The following RPSA2 variants were observed in gnomAD, a reference collection of about 807,000 sequenced individuals.
The protein encoded by RPSA2 is small ribosomal subunit protein uS2B.
the RPSA2 span, chr19:23,832,977 T>G: frequency 5.6e-5 from 83 of 1,469,032 alleles, 5 homozygotes; most frequent in Non-Finnish European, 7.3e-6. Context: ...CCTACAAGTG[T>G]GAAGAATGTG....
chr19:23,849,697 G>T, the RPSA2 span, among the ~76,000 whole-genome samples: 4 of 152,076 alleles, frequency 2.6e-5, no homozygotes, highest in Admixed American at 6.6e-5. Flanking sequence ...AAAATAAGTA[G>T]CCTCCAGGCA....
the RPSA2 span, among the ~76,000 whole-genome samples, chr19:23,826,586 C>G: frequency 6.6e-6 from 1 of 152,036 alleles, no homozygotes; most frequent in Non-Finnish European, 1.5e-5. Flanking sequence ...AAATCTGTGT[C>G]TTTTTGTGAT....
chr19:23,786,931 A>G, the RPSA2 span, among the ~76,000 whole-genome samples: 14 of 151,856 alleles, frequency 9.2e-5, no homozygotes, highest in Admixed American at 4.6e-4. Context: ...CCCTGCCTAC[A>G]TGGAAAGCTG....
chr19:23,809,067 C>G, the RPSA2 span: 1 of 162,926 alleles, frequency 6.1e-6, no homozygotes, highest in African/African-American at 2.4e-5. Context: ...TCATGACATA[C>G]AAAAAGAGTG....
the RPSA2 span, among the ~76,000 whole-genome samples, chr19:23,822,512 C>T: frequency 1.9e-4 from 29 of 152,106 alleles, no homozygotes; most frequent in Admixed American, 1.3e-4. Context: ...TATGATGTTT[C>T]CAGTTTAGGA....
the RPSA2 span, among the ~76,000 whole-genome samples, chr19:23,858,611 C>T: frequency 6.6e-6 from 1 of 152,102 alleles, no homozygotes; most frequent in Non-Finnish European, 1.5e-5. Context: ...AAAGAGCAGC[C>T]TGTAAAATCG....
At chr19:23,851,974 A>G in the RPSA2 span, among the ~76,000 whole-genome samples, 3 of 152,158 alleles carry the variant, frequency 2.0e-5, no homozygotes, top group Admixed American at 6.5e-5. Context: ...AATTTGAACT[A>G]TTCTACACCG....
At chr19:23,862,396 C>A in the RPSA2 span, among the ~76,000 whole-genome samples, 563 of 151,514 alleles carry the variant, frequency 3.7e-3, 4 homozygotes, top group African/African-American at 0.013. Flanking sequence ...TTGCCCTGGC[C>A]AGAACTTCCA....
the RPSA2 span, among the ~76,000 whole-genome samples, chr19:23,862,328 G>A: frequency 1.3e-5 from 2 of 151,238 alleles, no homozygotes; most frequent in African/African-American, 4.9e-5. Flanking sequence ...TACAAACAGG[G>A]ACAATTTGAC....
chr19:23,840,962 CAAAAAAAAAAA>C, the RPSA2 span, among the ~76,000 whole-genome samples: 6 of 117,748 alleles, frequency 5.1e-5, no homozygotes, highest in Admixed American at 8.9e-5. Context: ...AACTCCGTCT[CAAAAAAAAAAA>C]AAAAAAAAAA....
chr19:23,855,917 A>T, the RPSA2 span, among the ~76,000 whole-genome samples: 1 of 152,096 alleles, frequency 6.6e-6, no homozygotes, highest in South Asian at 2.1e-4. Flanking sequence ...GAGAGGGAAG[A>T]GTTAGCATAG....
the RPSA2 span, among the ~76,000 whole-genome samples, chr19:23,854,658 G>T: frequency 6.6e-6 from 1 of 152,196 alleles, no homozygotes; most frequent in African/African-American, 2.4e-5. Flanking sequence ...GCAGCATTTG[G>T]CTGTGTTTAT....
At chr19:23,786,614 T>C in the RPSA2 span, among the ~76,000 whole-genome samples, 4 of 152,320 alleles carry the variant, frequency 2.6e-5, no homozygotes, top group Admixed American at 6.5e-5. Flanking sequence ...GATGTAACTT[T>C]TTTTTTCTGG....
At chr19:23,867,773 T>C in the RPSA2 span, among the ~76,000 whole-genome samples, 2 of 143,400 alleles carry the variant, frequency 1.4e-5, no homozygotes, top group South Asian at 2.1e-4. Flanking sequence ...GAGCTTGCAG[T>C]GAGCAGAGAT....
At chr19:23,772,069 C>T in the RPSA2 span, among the ~76,000 whole-genome samples, 1 of 151,678 alleles carries the variant, frequency 6.6e-6, no homozygotes, top group African/African-American at 2.4e-5. Flanking sequence ...TATGGGATTG[C>T]GTGCTCCTGC....
At chr19:23,787,298 G>A in the RPSA2 span, among the ~76,000 whole-genome samples, 1 of 152,170 alleles carries the variant, frequency 6.6e-6, no homozygotes, top group East Asian at 1.9e-4. Context: ...TTGCCTATAG[G>A]CGGCATTTTG....
At chr19:23,786,798 C>T in the RPSA2 span, among the ~76,000 whole-genome samples, 1 of 151,986 alleles carries the variant, frequency 6.6e-6, no homozygotes, top group African/African-American at 2.4e-5. Flanking sequence ...GGTATTGTGA[C>T]ATATTGCTGA....
the RPSA2 span, chr19:23,809,282 T>C: frequency 1.3e-5 from 2 of 152,352 alleles, no homozygotes; most frequent in Admixed American, 1.3e-4. Flanking sequence ...GAAATATAGT[T>C]TGAAATTATA....
chr19:23,833,076 A>G, the RPSA2 span: 38 of 1,311,580 alleles, frequency 2.9e-5, no homozygotes, highest in Middle Eastern at 2.1e-4. Context: ...AATGTGGCAA[A>G]TCTTTTAACC....
Sources: gnomAD v4.1 joint callset for allele counts (sites outside exome capture counted in the v4.1 genomes callset) on GRCh38, gnomAD v4.1.1 for gene constraint, MANE v1.5 for transcripts, NCBI Gene and HGNC (gene_info 2026-07-23, HGNC 2026-07-21) for gene names.